Variants in ABLIM1 observed in about 807,000 individuals in gnomAD.
ABLIM1 encodes actin binding LIM protein 1, also known as actin-binding LIM protein 1.
Under a neutral mutation model 107.0 loss-of-function variants are expected in ABLIM1, and 40 were observed. The ratio of observed to expected loss-of-function variants is 0.37; its 90% CI spans 0.29 to 0.49. The LOEUF (loss-of-function observed/expected upper bound fraction) is 0.49, where lower values mean the gene tolerates loss of function less well. Among genes scored for constraint, ABLIM1 ranks in the 20% least tolerant of loss-of-function variants. The pLI, the probability that ABLIM1 is intolerant of heterozygous loss-of-function variation, is 0.97. For synonymous variants in ABLIM1, 357 were observed against 357.3 expected, an observed-to-expected ratio of 1.00 and a Z score of 0.01; for missense variants, 857 against 1,008.5, an observed-to-expected ratio of 0.85 and a Z score of 2.04.
At chr10:114,594,502 C>A (rs1190474841) in intron 2 of ABLIM1, among the ~76,000 whole-genome samples, 3 of 152,212 alleles carry the variant, frequency 2.0e-5, no homozygotes, top group African/African-American at 7.2e-5. Flanking sequence ...GTAATCCCAG[C>A]CCTTTGGGAG....
intron 1 of ABLIM1, among the ~76,000 whole-genome samples, chr10:114,604,990 A>G (rs2076309433): frequency 6.6e-6 from 1 of 152,230 alleles, no homozygotes; most frequent in Non-Finnish European, 1.5e-5. Context: ...TCCCTTTGGA[A>G]ATATACATTA....
At chr10:114,593,674 C>T (rs1442807561) in intron 2 of ABLIM1, among the ~76,000 whole-genome samples, 1 of 152,178 alleles carries the variant, frequency 6.6e-6, no homozygotes, top group African/African-American at 2.4e-5. Context: ...TTTCTATCTT[C>T]CAGGGCTGTT....
intron 1 of ABLIM1, chr10:114,632,645 A>G: frequency 4.1e-6 from 4 of 985,418 alleles, no homozygotes; most frequent in Non-Finnish European, 4.8e-6. Flanking sequence ...GCCGGGGAAG[A>G]GGATCTTTCA....
intron 4 of ABLIM1, among the ~76,000 whole-genome samples, chr10:114,569,217 G>C (rs1238949168): frequency 6.6e-6 from 1 of 152,104 alleles, no homozygotes; most frequent in Non-Finnish European, 1.5e-5. Flanking sequence ...TTCACAATGA[G>C]GACACAGCCA....
At chr10:114,606,904 C>A (rs944920845) in intron 1 of ABLIM1, among the ~76,000 whole-genome samples, 2 of 152,178 alleles carry the variant, frequency 1.3e-5, no homozygotes, top group African/African-American at 4.8e-5. Context: ...AGAATAATCC[C>A]CTAATTACCA....
chr10:114,528,750 A>G (rs945766132), intron 6 of ABLIM1, among the ~76,000 whole-genome samples: 4 of 152,220 alleles, frequency 2.6e-5, no homozygotes, highest in Non-Finnish European at 4.4e-5. Flanking sequence ...CTTCATTTTT[A>G]TTGTGGTAAG....
intron 1 of ABLIM1, among the ~76,000 whole-genome samples, chr10:114,609,886 A>T (rs1002263047): frequency 1.3e-5 from 2 of 152,234 alleles, no homozygotes; most frequent in African/African-American, 4.8e-5. Context: ...CTGTTGCACA[A>T]TTCCTGTTTT....
chr10:114,800,176 CT>C, the ABLIM1 span, among the ~76,000 whole-genome samples: 12 of 152,270 alleles, frequency 7.9e-5, no homozygotes, highest in South Asian at 2.5e-3. Flanking sequence ...TTCCTATGCC[CT>C]TACCTGATGG....
At chr10:114,754,890 C>G (rs1331867506) in intron 1 of ABLIM1, among the ~76,000 whole-genome samples, 1 of 152,180 alleles carries the variant, frequency 6.6e-6, no homozygotes, top group Non-Finnish European at 1.5e-5. Context: ...AGGAGCAGAG[C>G]ACACTCACTG....
intron 1 of ABLIM1, among the ~76,000 whole-genome samples, chr10:114,700,819 A>G (rs1461858474): frequency 3.3e-5 from 5 of 152,176 alleles, no homozygotes; most frequent in Admixed American, 6.5e-5. Flanking sequence ...TAAACTTAAA[A>G]TCTAAATCTC....
intron 4 of ABLIM1, among the ~76,000 whole-genome samples, chr10:114,560,018 C>A (rs1050806971): frequency 2.6e-5 from 4 of 152,200 alleles, no homozygotes; most frequent in African/African-American, 4.8e-5. Flanking sequence ...GGTGCCCATG[C>A]CATAGCCTGC....
At chr10:114,472,389 T>G (rs549830423) in intron 10 of ABLIM1, among the ~76,000 whole-genome samples, 2 of 152,208 alleles carry the variant, frequency 1.3e-5, no homozygotes. Flanking sequence ...CTGTACCTGG[T>G]CCAGGAAACT....
chr10:114,745,709 C>T (rs2082369614), intron 1 of ABLIM1, among the ~76,000 whole-genome samples: 2 of 152,184 alleles, frequency 1.3e-5, no homozygotes, highest in African/African-American at 2.4e-5. Context: ...GTGGTGGTGG[C>T]TTACGCCTGC....
intron 9 of ABLIM1, 35 bp from the exon 10 acceptor site, chr10:114,473,167 T>C: frequency 6.3e-7 from 1 of 1,579,972 alleles, no homozygotes; most frequent in Non-Finnish European, 8.6e-7. Flanking sequence ...AATTACCTTG[T>C]AGTCTGACTG....
At chr10:114,627,404 A>G (rs1040241333) in intron 1 of ABLIM1, among the ~76,000 whole-genome samples, 1 of 152,086 alleles carries the variant, frequency 6.6e-6, no homozygotes, top group East Asian at 1.9e-4. Flanking sequence ...TTAAACATCT[A>G]CATAATATTA....
chr10:114,570,859 G>A (rs1480323605), intron 4 of ABLIM1, among the ~76,000 whole-genome samples: 1 of 152,034 alleles, frequency 6.6e-6, no homozygotes, highest in Non-Finnish European at 1.5e-5. Context: ...TCCCGCCTCA[G>A]CCTCCCAAAG....
At chr10:114,637,263 C>CT (rs2078528488) in intron 1 of ABLIM1, among the ~76,000 whole-genome samples, 1 of 152,098 alleles carries the variant, frequency 6.6e-6, no homozygotes, top group Non-Finnish European at 1.5e-5. Flanking sequence ...TTACAAACAG[C>CT]TATATACCAT....
At chr10:114,524,879 AC>A (rs1205501320) in intron 6 of ABLIM1, among the ~76,000 whole-genome samples, 1 of 152,216 alleles carries the variant, frequency 6.6e-6, no homozygotes, top group Non-Finnish European at 1.5e-5. Context: ...CAAAACCCAA[AC>A]AAAATAAAAA....
At chr10:114,441,813 A>G in intron 17 of ABLIM1, 27 bp from the exon 18 acceptor site, 7 of 1,592,810 alleles carry the variant, frequency 4.4e-6, no homozygotes, top group Non-Finnish European at 5.2e-6. Context: ...TAAAAAACCA[A>G]TTGTTAGGAA....
Sources: gnomAD v4.1 joint callset for allele counts (sites outside exome capture counted in the v4.1 genomes callset) on GRCh38, gnomAD v4.1.1 for gene constraint, MANE v1.5 for transcripts, NCBI Gene and HGNC (gene_info 2026-07-23, HGNC 2026-07-21) for gene names.